Variants in PPIL2 observed in about 807,000 individuals in gnomAD.
The protein encoded by PPIL2 is RING-type E3 ubiquitin-protein ligase PPIL2.
Under a neutral mutation model 75.2 loss-of-function variants are expected in PPIL2, and 50 were observed. That is an observed-to-expected ratio of 0.66 (90% CI 0.53 to 0.84). The LOEUF is 0.84. PPIL2 is among the 40% of genes least tolerant of loss of function. PPIL2 has a pLI of 0.00. For synonymous variants in PPIL2, 245 were observed against 258.8 expected (o/e 0.95, Z 0.51); for missense variants, 590 against 685.0 (o/e 0.86, Z 1.55).
Position 21,696,795 on chromosome 22 carries a change from T to C in PPIL2, c.*1305T>C, listed in dbSNP as rs539539024. On this transcript the variant is annotated 3_prime_UTR_variant, in exon 20 of 20. Coordinates refer to ENST00000398831, the MANE Select transcript of PPIL2 (RefSeq NM_014337.4). ...CCTTCCTTTTCTCATCAATCACTGA[T>C]GCTGAAGCTGCAGGCCTGAGCCCTT... The C allele has an allele frequency of 1.9e-6, 3 of 1,550,080 alleles. No homozygotes were observed. The highest frequency in any genetic ancestry group is 2.0e-5 in the Admixed American group (1 of 51,068).
At chr22:21,687,921 C>T in intron 13 of PPIL2, 152 bp from the exon 14 acceptor site, 1 of 1,157,612 alleles carries the variant, frequency 8.6e-7, no homozygotes, top group Non-Finnish European at 1.3e-6. Context: ...GAACTGGGTT[C>T]ACAAAGGGAG....
chr22:21,676,223 C>T (rs1027784003), intron 6 of PPIL2, among the ~76,000 whole-genome samples: 1 of 147,036 alleles, frequency 6.8e-6, no homozygotes, highest in African/African-American at 2.5e-5. Context: ...GGGTGGGCTG[C>T]CTCCCCTCCT....
At chr22:21,687,526 C>A in intron 12 of PPIL2, 117 bp from the exon 13 acceptor site, 1 of 726,840 alleles carries the variant, frequency 1.4e-6, no homozygotes, top group Non-Finnish European at 2.2e-6. Context: ...GCACTCCAGC[C>A]TGGGCAACAG....
intron 14 of PPIL2, among the ~76,000 whole-genome samples, chr22:21,688,362 C>G (rs1311777931): frequency 2.6e-5 from 4 of 152,240 alleles, no homozygotes; most frequent in Non-Finnish European, 5.9e-5. Context: ...CTGCCTCAGA[C>G]TGAGGCCAGC....
At chr22:21,692,082 C>T (rs760250165) in intron 15 of PPIL2, among the ~76,000 whole-genome samples, 3 of 152,148 alleles carry the variant, frequency 2.0e-5, no homozygotes, top group Admixed American at 6.5e-5. Context: ...TTCAGCCTCT[C>T]TGGCTCTGCC....
chr22:21,686,196 C>T (rs184568652), intron 10 of PPIL2, among the ~76,000 whole-genome samples: 1 of 152,282 alleles, frequency 6.6e-6, no homozygotes, highest in East Asian at 1.9e-4. Context: ...AATGAGAAGT[C>T]AGCCATACAC....
At chr22:21,699,417 ATCC>A (rs1355501613), downstream of PPIL2, 5 of 152,366 alleles carry the variant, frequency 3.3e-5, no homozygotes, top group Non-Finnish European at 5.9e-5. Flanking sequence ...TTTGACCTCC[ATCC>A]TCTGCAAAGT....
At chr22:21,688,227 A>G (rs1206342127) in intron 14 of PPIL2, 121 bp downstream of exon 14, 1 of 1,299,484 alleles carries the variant, frequency 7.7e-7, no homozygotes, top group Non-Finnish European at 1.1e-6. Context: ...GGGTGGAACG[A>G]CTGGCAGCCA....
chr22:21,695,423 C>A lies in PPIL2; in HGVS notation c.1496C>A (p.Thr499Asn). ...TKRAAEEEPS[T>N]SATVPMSKKK... ...CGAGCAGCAGAGGAAGAGCCCTCAA[C>A]CAGTGCCACTGTCCCCATGTCCAAG... Residue 499 changes from threonine (T) to asparagine (N), a missense_variant, in exon 20 of 20, where the codon ACC (threonine) becomes AAC (asparagine). Coordinates refer to ENST00000398831, the MANE Select transcript of PPIL2 (RefSeq NM_014337.4). 3.7e-6 allele frequency: 6 copies of A among 1,610,280 alleles called. No individual in the cohort carries two copies. The highest frequency in any genetic ancestry group is 5.1e-6 in the Non-Finnish European group (6 of 1,178,352).
chr22:21,690,764 G>A (rs2067585496), intron 15 of PPIL2, among the ~76,000 whole-genome samples: 1 of 152,184 alleles, frequency 6.6e-6, no homozygotes, highest in Admixed American at 6.5e-5. Context: ...CTTGCTGGTT[G>A]TTGGTAGCTT....
chr22:21,672,073 T>G (rs997288766), intron 4 of PPIL2, among the ~76,000 whole-genome samples: 1 of 152,060 alleles, frequency 6.6e-6, no homozygotes, highest in African/African-American at 2.4e-5. Flanking sequence ...CCCAAACCAT[T>G]TACTTACTCA....
At chr22:21,694,532 C>T (rs1601604856) in intron 16 of PPIL2, 61 bp from the exon 17 acceptor site, 1 of 1,585,464 alleles carries the variant, frequency 6.3e-7, no homozygotes, top group East Asian at 2.2e-5. Context: ...TGCCTTGGGG[C>T]TCAGCCGTGG....
At chr22:21,670,782 T>C (rs918293968) in intron 3 of PPIL2, 171 bp downstream of exon 3, 29 of 875,832 alleles carry the variant, frequency 3.3e-5, no homozygotes, top group Admixed American at 3.2e-4. Flanking sequence ...GTTAGGAGCT[T>C]GCCTTGGTGT....
intron 13 of PPIL2, 134 bp downstream of exon 13, chr22:21,687,866 T>A: frequency 9.3e-7 from 1 of 1,073,976 alleles, no homozygotes; most frequent in Non-Finnish European, 1.4e-6. Flanking sequence ...GGTGATCCTC[T>A]GTTGGGGAAC....
intron 6 of PPIL2, among the ~76,000 whole-genome samples, chr22:21,677,391 C>T (rs1040888471): frequency 1.3e-5 from 2 of 152,210 alleles, no homozygotes; most frequent in African/African-American, 2.4e-5. Context: ...CGCCACTGCA[C>T]TCCAGCCTGG....
chr22:21,666,216 C>T (rs918873475), intron 1 of PPIL2, 85 bp downstream of exon 1: 4 of 1,445,868 alleles, frequency 2.8e-6, no homozygotes, highest in African/African-American at 2.8e-5. Flanking sequence ...CGCCTTCCCT[C>T]TCAGCTACTC....
intron 10 of PPIL2, 65 bp from the exon 11 acceptor site, chr22:21,686,418 C>T (rs944642411): frequency 7.4e-6 from 11 of 1,494,708 alleles, no homozygotes; most frequent in African/African-American, 2.8e-5. Flanking sequence ...TCTAGGCAAG[C>T]GACACGTCCC....
chr22:21,667,485 C>G (rs181179440), intron 1 of PPIL2, among the ~76,000 whole-genome samples: 2 of 151,908 alleles, frequency 1.3e-5, no homozygotes, highest in Admixed American at 6.6e-5. Flanking sequence ...TTGGGCTTCT[C>G]AACAGTATGT....
In PPIL2 at chr22:21,694,631, A is replaced by T; in HGVS notation, c.1235A>T (p.Asn412Ile). ...TTTGACGTACTGACAGCCATGGAGA[A>T]TGTGGAGAGTGACCCCAAAACTGAC... ...GGFDVLTAME[N>I]VESDPKTDRP... The change falls in exon 17 of 20, where the codon AAT (asparagine) becomes ATT (isoleucine). Residue 412 changes from asparagine (N) to isoleucine (I), a missense_variant. Physicochemically the swap from Asn to Ile is moderately radical, Grantham distance 149. Coordinates refer to ENST00000398831, the MANE Select transcript of PPIL2 (RefSeq NM_014337.4). 6.2e-7 allele frequency: 1 copy of T among 1,614,142 alleles called. No individual in the cohort carries two copies. The highest frequency in any genetic ancestry group is 8.5e-7 in the Non-Finnish European group (1 of 1,180,024).
Sources: gnomAD v4.1 joint callset for allele counts (sites outside exome capture counted in the v4.1 genomes callset) on GRCh38, gnomAD v4.1.1 for gene constraint, MANE v1.5 for transcripts, NCBI Gene and HGNC (gene_info 2026-07-23, HGNC 2026-07-21) for gene names.